Variants in LIPA observed in about 807,000 individuals in gnomAD.
LIPA encodes lipase A, lysosomal acid type, also known as lysosomal acid lipase/cholesteryl ester hydrolase.
LIPA carries 26 observed loss-of-function variants against 40.6 expected under a neutral mutation model. The observed-to-expected ratio is 0.64, with a 90% CI of 0.47 to 0.89. The LOEUF is 0.89. LIPA is among the 40% of genes least tolerant of loss of function. The probability of loss-of-function intolerance (pLI) is 0.00; values close to 1 mark genes in which losing one functional copy is unlikely to be tolerated. For missense variants in LIPA, 455 were observed against 479.6 expected (o/e 0.95, Z 0.48); for synonymous variants, 188 against 168.4 (o/e 1.12, Z -0.90).
chr10:89,276,115 C>T (rs1279814691), intron 1 of LIPA, among the ~76,000 whole-genome samples: 1 of 152,118 alleles, frequency 6.6e-6, no homozygotes, highest in African/African-American at 2.4e-5. Flanking sequence ...GTAAGGTAAG[C>T]AAGGCACTTA....
chr10:89,228,653 A>T lies in LIPA; in HGVS notation c.230-255T>A, dbSNP rs61853096. Among the ~76,000 whole-genome samples, 11,390 of 152,294 alleles carry T rather than the reference A, an allele frequency of 0.075. 451 individuals carry two copies. Among genetic ancestry groups the T allele is most frequent in the Middle Eastern group, 0.13 (38 of 294 alleles). ...AGACACACTTATGTAAGCAGCAAAAACAAAAATCAATATATTTTTAAGAAA... is the reference window on the plus strand; with the variant it reads ...AGACACACTTATGTAAGCAGCAAAATCAAAAATCAATATATTTTTAAGAAA... On this transcript the variant is annotated intron_variant, in intron 3 of 9. Coordinates refer to ENST00000336233, the MANE Select transcript of LIPA (RefSeq NM_000235.4).
At chr10:89,255,357 A>G (rs1444252769), upstream of LIPA, among the ~76,000 whole-genome samples, 1 of 152,240 alleles carries the variant, frequency 6.6e-6, no homozygotes, top group Non-Finnish European at 1.5e-5. Context: ...TTATAAACCC[A>G]TCAGATCTCA....
intron 3 of LIPA, among the ~76,000 whole-genome samples, chr10:89,240,858 G>A (rs1589567852): frequency 1.3e-5 from 2 of 152,174 alleles, no homozygotes; most frequent in South Asian, 4.1e-4. Flanking sequence ...TGTCACAGGA[G>A]GGCTGCAGGA....
chr10:89,296,507 G>A (rs10887940), intron 1 of LIPA, among the ~76,000 whole-genome samples: 51,818 of 131,168 alleles, frequency 0.4, 13,531 homozygotes, highest in African/African-American at 0.74. Context: ...AAAAAAAAAA[G>A]AAGAAGAAGA....
At chr10:89,219,908 T>A (rs1842675663) in intron 8 of LIPA, among the ~76,000 whole-genome samples, 1 of 152,256 alleles carries the variant, frequency 6.6e-6, no homozygotes. Flanking sequence ...TGGAGGTATA[T>A]TCCAGGGTAG....
intron 3 of LIPA, among the ~76,000 whole-genome samples, chr10:89,244,566 G>C (rs945731332): frequency 5.9e-5 from 9 of 151,984 alleles, no homozygotes; most frequent in African/African-American, 1.9e-4. Flanking sequence ...TGGGCAACAA[G>C]ACCGAAAATC....
At chr10:89,339,314 T>C in intron 1 of LIPA, 1 of 1,613,660 alleles carries the variant, frequency 6.2e-7, no homozygotes, top group Non-Finnish European at 8.5e-7. Context: ...CTGCAGAAGA[T>C]GAATAAAGAA....
intron 2 of LIPA, chr10:89,383,620 T>C: frequency 6.2e-7 from 1 of 1,614,226 alleles, no homozygotes; most frequent in Non-Finnish European, 8.5e-7. Context: ...CAACTTTGCC[T>C]GGGTGTATTA....
At chr10:89,258,477 C>T (rs1039381097) in intron 1 of LIPA, among the ~76,000 whole-genome samples, 4 of 151,952 alleles carry the variant, frequency 2.6e-5, no homozygotes, top group Non-Finnish European at 4.4e-5. Flanking sequence ...AAAAAAAAGA[C>T]GTTTTATAAC....
intron 1 of LIPA, among the ~76,000 whole-genome samples, chr10:89,334,588 C>T (rs568795768): frequency 7.8e-5 from 6 of 76,958 alleles, no homozygotes; most frequent in South Asian, 7.7e-4. Context: ...CTCCGCCTTC[C>T]GGTTTCAAGC....
chr10:89,410,873 G>A (rs1841463073), intron 2 of LIPA, among the ~76,000 whole-genome samples: 1 of 152,190 alleles, frequency 6.6e-6, no homozygotes. Context: ...CAGAGGCAGG[G>A]AAACACCAGC....
rs187611875 is a variant in LIPA, at chr10:89,270,029, G to A, written c.-1-22380C>T. Among the ~76,000 whole-genome samples the A allele has an allele frequency of 3.8e-3, 583 of 152,332 alleles. 2 individuals are homozygous for A. Among genetic ancestry groups the A allele is most frequent in the Middle Eastern group, 0.027 (8 of 294 alleles). The stretch of plus-strand genomic sequence containing the variant: ...TTGCTCAATTATGTCTGTGCAAAGT[G>A]CAGATGGACCTTGGTGAATAGCTGT... On this transcript the variant is annotated intron_variant, in intron 1 of 5. Transcript: ENST00000282673.
At chr10:89,272,593 C>T (rs1843271246) in intron 1 of LIPA, among the ~76,000 whole-genome samples, 1 of 152,150 alleles carries the variant, frequency 6.6e-6, no homozygotes, top group Non-Finnish European at 1.5e-5. Context: ...ATGATTTATA[C>T]TCCTCTGGGT....
At chr10:89,357,181 C>T (rs1302984608) in intron 2 of LIPA, among the ~76,000 whole-genome samples, 1 of 152,148 alleles carries the variant, frequency 6.6e-6, no homozygotes, top group African/African-American at 2.4e-5. Context: ...TGACAGGAAC[C>T]AGGGACAAAG....
intron 1 of LIPA, among the ~76,000 whole-genome samples, chr10:89,282,771 G>A (rs1212511677): frequency 2.6e-5 from 4 of 152,172 alleles, no homozygotes; most frequent in Admixed American, 6.5e-5. Flanking sequence ...GATGAAGAAC[G>A]GATGCAAGTT....
chr10:89,224,138 A>T (rs575769310), intron 6 of LIPA, among the ~76,000 whole-genome samples: 24 of 152,346 alleles, frequency 1.6e-4, no homozygotes, highest in Admixed American at 4.6e-4. Context: ...GCCATCCCCA[A>T]GTAATTTTCA....
At chr10:89,320,857 T>G (rs1179828307) in intron 1 of LIPA, among the ~76,000 whole-genome samples, 7 of 152,062 alleles carry the variant, frequency 4.6e-5, no homozygotes, top group Non-Finnish European at 7.4e-5. Flanking sequence ...ATGGTACTGG[T>G]ACCAAAACAG....
At chr10:89,407,797 T>C (rs1021881447) in intron 2 of LIPA, among the ~76,000 whole-genome samples, 1 of 152,142 alleles carries the variant, frequency 6.6e-6, no homozygotes, top group African/African-American at 2.4e-5. Context: ...GTCCTCTTTG[T>C]GGTCTAGGAG....
At chr10:89,390,476 C>T (rs1844238195) in intron 2 of LIPA, among the ~76,000 whole-genome samples, 1 of 152,146 alleles carries the variant, frequency 6.6e-6, no homozygotes. Flanking sequence ...AGAGGTGAAG[C>T]AGTTTATCAT....
Sources: gnomAD v4.1 joint callset for allele counts (sites outside exome capture counted in the v4.1 genomes callset) on GRCh38, gnomAD v4.1.1 for gene constraint, MANE v1.5 for transcripts, NCBI Gene and HGNC (gene_info 2026-07-23, HGNC 2026-07-21) for gene names.